The following FMO4 variants were observed in gnomAD, a reference collection of about 807,000 sequenced individuals.
FMO4 encodes flavin containing dimethylaniline monoxygenase 4.
A neutral mutation model predicts 43.3 loss-of-function variants in FMO4; 38 were observed. The ratio of observed to expected loss-of-function variants is 0.88; its 90% confidence interval spans 0.68 to 1.15. FMO4 has a LOEUF of 1.15. Ranked by LOEUF, FMO4 falls within the 50% of genes most tolerant of loss-of-function variation. FMO4 has a pLI of 0.00. For missense variants in FMO4, 631 were observed against 663.3 expected, an observed-to-expected ratio of 0.95 and a Z score of 0.54; for synonymous variants, 224 against 232.2, an observed-to-expected ratio of 0.96 and a Z score of 0.32.
intron 8 of FMO4, among the ~76,000 whole-genome samples, chr1:171,336,809 C>T (rs7555359): frequency 0.31 from 46,494 of 151,754 alleles, 7,185 homozygotes; most frequent in East Asian, 0.43. Context: ...TGCTATGTTG[C>T]CAGGCTGGTC....
intron 8 of FMO4, 99 bp from the exon 9 acceptor site, chr1:171,337,257 G>A: frequency 3.7e-6 from 3 of 808,306 alleles, no homozygotes; most frequent in Non-Finnish European, 6.6e-6. Flanking sequence ...CATGTGCTCT[G>A]AAGTTAGAGC....
chr1:171,323,232 C>T, intron 4 of FMO4, 40 bp downstream of exon 4: 1 of 1,318,738 alleles, frequency 7.6e-7, no homozygotes, highest in Non-Finnish European at 1.1e-6. Flanking sequence ...TAGATGGGGG[C>T]TGGCCTATTC....
intron 4 of FMO4, among the ~76,000 whole-genome samples, chr1:171,323,624 A>G (rs1428597110): frequency 6.6e-6 from 1 of 152,136 alleles, no homozygotes; most frequent in Non-Finnish European, 1.5e-5. Flanking sequence ...AGATCATGCC[A>G]CTGCACTCTA....
At chr1:171,334,061 G>A (rs1663009834) in intron 7 of FMO4, among the ~76,000 whole-genome samples, 1 of 152,066 alleles carries the variant, frequency 6.6e-6, no homozygotes, top group Non-Finnish European at 1.5e-5. Flanking sequence ...ATTCCCTAGA[G>A]GCCTAAGTAA....
intron 5 of FMO4, among the ~76,000 whole-genome samples, chr1:171,327,309 C>T (rs1662710122): frequency 1.3e-5 from 2 of 152,228 alleles, no homozygotes; most frequent in African/African-American, 2.4e-5. Flanking sequence ...TTGGACCCAT[C>T]TTAATGCCTT....
At chr1:171,341,073 G>C (rs1156645900) in intron 9 of FMO4, among the ~76,000 whole-genome samples, 1 of 151,796 alleles carries the variant, frequency 6.6e-6, no homozygotes, top group African/African-American at 2.4e-5. Flanking sequence ...CTTTCCTCAA[G>C]TATCTTCTAT....
chr1:171,337,946 C>T (rs1306723634), intron 9 of FMO4, among the ~76,000 whole-genome samples: 1 of 151,908 alleles, frequency 6.6e-6, no homozygotes, highest in Non-Finnish European at 1.5e-5. Flanking sequence ...CTCCTAATTC[C>T]CCTCCCTCTA....
chr1:171,323,281 T>G, intron 4 of FMO4, 89 bp downstream of exon 4: 1 of 797,722 alleles, frequency 1.3e-6, no homozygotes, highest in Non-Finnish European at 2.0e-6. Context: ...AGTAAACTTT[T>G]TATTGATTTT....
chr1:171,341,148 GA>G (rs569046127), intron 9 of FMO4, among the ~76,000 whole-genome samples: 1,741 of 147,696 alleles, frequency 0.012, 22 homozygotes, highest in African/African-American at 0.029. Flanking sequence ...CAACTTAACG[GA>G]AAAAAAAAAG....
At chr1:171,321,540 G>A (rs2101880091) in intron 3 of FMO4, among the ~76,000 whole-genome samples, 1 of 152,044 alleles carries the variant, frequency 6.6e-6, no homozygotes, top group Non-Finnish European at 1.5e-5. Context: ...TAATGTTTAG[G>A]GAATAATCAC....
At position 171,332,692 on chromosome 1, in the gene FMO4, C is replaced by T. The variant is rs773038844; in HGVS notation, c.628-17C>T. ...ATGAACATTTATTTATCCTTCTTGC[C>T]TTACTTTACTTTTTAGGTACTTCTC... is the stretch of plus-strand genomic sequence containing the variant. On this transcript the variant is annotated splice_polypyrimidine_tract_variant and intron_variant, in intron 6 of 9. Coordinates refer to ENST00000367749, the MANE Select transcript of FMO4 (RefSeq NM_002022.3). The T allele has an allele frequency of 1.3e-6, 2 of 1,595,356 alleles. No homozygotes were observed. Among genetic ancestry groups the T allele is most frequent in the African/African-American group, 1.3e-5 (1 of 74,442 alleles).
At chr1:171,331,134 T>C (rs1164121110) in intron 5 of FMO4, among the ~76,000 whole-genome samples, 6 of 152,214 alleles carry the variant, frequency 3.9e-5, no homozygotes, top group African/African-American at 1.2e-4. Flanking sequence ...ATAGAATATA[T>C]CTATTGGGCA....
At position 171,319,879 on chromosome 1, in the gene FMO4, C is replaced by T. The variant is rs1006272799; in HGVS notation, c.54C>T (p.Ile18=). 4 of 1,613,796 alleles carry T rather than the reference C, an allele frequency of 2.5e-6. No homozygotes were observed. The East Asian group carries it at 8.9e-5, about 36-fold the overall frequency. ...CTGGTGTGAGTGGCCTCTCCTCCATCAAATGCTGTGTGGATGAGGACCTGG... is the reference window on the plus strand; with the variant it reads ...CTGGTGTGAGTGGCCTCTCCTCCATTAAATGCTGTGTGGATGAGGACCTGG... ...IGAGVSGLSS[I]KCCVDEDLEP... is the part of the protein sequence containing the mutation. The change falls in exon 3 of 10, where the codon ATC becomes ATT. Residue 18 remains isoleucine, a synonymous_variant. Coordinates refer to ENST00000367749, the MANE Select transcript of FMO4 (RefSeq NM_002022.3).
At chr1:171,319,773 C>A in intron 2 of FMO4, 45 bp from the exon 3 acceptor site, 3 of 1,593,332 alleles carry the variant, frequency 1.9e-6, no homozygotes, top group Non-Finnish European at 2.6e-6. Flanking sequence ...GGCTCCCTTC[C>A]AAACTTATTA....
chr1:171,319,891 G>A lies in FMO4; in HGVS notation c.66G>A (p.Val22=), dbSNP rs1175849530. The change falls in exon 3 of 10, where the codon GTG becomes GTA. Residue 22 remains valine, a synonymous_variant. Transcript: ENST00000367749. ...VSGLSSIKCC[V]DEDLEPTCFE... is the part of the protein sequence containing the mutation. The stretch of plus-strand genomic sequence containing the variant: ...GCCTCTCCTCCATCAAATGCTGTGT[G>A]GATGAGGACCTGGAGCCCACCTGCT... 1 of 1,613,864 alleles carries A rather than the reference G, an allele frequency of 6.2e-7. No homozygotes were observed. The highest frequency in any genetic ancestry group is 1.7e-5 in the Admixed American group (1 of 60,010).
chr1:171,330,497 A>G (rs533907065), intron 5 of FMO4, among the ~76,000 whole-genome samples: 2 of 152,370 alleles, frequency 1.3e-5, no homozygotes, highest in East Asian at 3.9e-4. Flanking sequence ...CCAGTTCCAC[A>G]TGGCTCAGGA....
At chr1:171,324,679 G>T (rs1056867615) in intron 5 of FMO4, among the ~76,000 whole-genome samples, 2 of 151,896 alleles carry the variant, frequency 1.3e-5, no homozygotes, top group Admixed American at 1.3e-4. Flanking sequence ...GAGAGTATAT[G>T]ATTTTTTTTT....
At chr1:171,337,474 C>A (rs1553253579) in intron 9 of FMO4, 49 bp downstream of exon 9, 13 of 1,271,056 alleles carry the variant, frequency 1.0e-5, no homozygotes, top group Admixed American at 5.5e-5. Flanking sequence ...TATTCTGTTA[C>A]AAAAAAAGGA....
Position 171,341,716 on chromosome 1 carries a change from G to T in FMO4, c.1554G>T (p.Trp518Cys). The change falls in exon 10 of 10, where the codon TGG (tryptophan) becomes TGT (cysteine). Residue 518 changes from tryptophan to cysteine, a missense_variant. Coordinates refer to ENST00000367749, the MANE Select transcript of FMO4 (RefSeq NM_002022.3). The stretch of plus-strand genomic sequence containing the variant: ...CCATGTCACATTATTTAAAAGCCTG[G>T]GGGGCACCTGTCCTACTTGCCTCTC... ...PASMSHYLKA[W>C]GAPVLLASLL... is the part of the protein sequence containing the mutation. The T allele has an allele frequency of 6.2e-7, 1 of 1,613,788 alleles. No homozygotes were observed. The highest frequency in any genetic ancestry group is 8.5e-7 in the Non-Finnish European group (1 of 1,179,938).
Sources: gnomAD v4.1 joint callset for allele counts (sites outside exome capture counted in the v4.1 genomes callset) on GRCh38, gnomAD v4.1.1 for gene constraint, MANE v1.5 for transcripts, NCBI Gene and HGNC (gene_info 2026-07-23, HGNC 2026-07-21) for gene names.